Variants in GALK2 observed in about 807,000 individuals in gnomAD.
GALK2 encodes N-acetylgalactosamine kinase.
Under a neutral mutation model 52.4 loss-of-function variants are expected in GALK2, and 36 were observed. That is an observed-to-expected ratio of 0.69 (90% CI 0.53 to 0.91). The LOEUF is 0.91. GALK2 is among the 40% of genes least tolerant of loss of function. The pLI, the probability that GALK2 is intolerant of heterozygous loss-of-function variation, is 0.00. For synonymous variants in GALK2, 176 were observed against 199.1 expected, an observed-to-expected ratio of 0.88 and a Z score of 0.98; for missense variants, 579 against 559.1, an observed-to-expected ratio of 1.04 and a Z score of -0.36.
intron 5 of GALK2, 65 bp downstream of exon 5, chr15:49,239,432 A>G: frequency 6.9e-7 from 1 of 1,448,728 alleles, no homozygotes; most frequent in Non-Finnish European, 9.6e-7. Flanking sequence ...TCCAAATCTC[A>G]AATCAGAATG....
rs760805770 is a variant in GALK2, at chr15:49,183,668, A to AT, written c.53+13293_53+13294insT. 2.0e-4 allele frequency among the ~76,000 whole-genome samples: 31 copies of AT among 152,062 alleles called. 1 individual carries two copies. The East Asian group carries it at 5.8e-3, about 28-fold the overall frequency. On this transcript the variant is annotated intron_variant, in intron 1 of 9. Transcript: ENST00000560031. ...AGACCAGCCTGACCAACGTGGAGAAACCCTGACTTTACTAAAAATACAAAA... is the reference window on the plus strand; with the variant it reads ...AGACCAGCCTGACCAACGTGGAGAAATCCCTGACTTTACTAAAAATACAAAA...
chr15:49,245,491 T>C (rs1356569655), intron 5 of GALK2, among the ~76,000 whole-genome samples: 1 of 152,160 alleles, frequency 6.6e-6, no homozygotes, highest in African/African-American at 2.4e-5. Flanking sequence ...TAAGATGACC[T>C]GTATGACCAC....
Position 49,358,171 on chromosome 15 carries a change from G to C in GALK2, c.427-9320G>C, listed in dbSNP as rs542538330. On this transcript the variant is annotated intron_variant, in intron 3 of 3. Coordinates refer to the GALK2 transcript ENST00000558399. ...AAACTGGAAGCATTCCCTTTGAAAA[G>C]TGGCACAAGACAGGGATGCCCTCCT... 7.2e-3 allele frequency among the ~76,000 whole-genome samples: 1,086 copies of C among 151,494 alleles called. 20 individuals carry two copies. The highest frequency in any genetic ancestry group is 0.025 in the African/African-American group (1,042 of 41,072).
chr15:49,235,563 C>A (rs987981049), intron 3 of GALK2: 2 of 537,252 alleles, frequency 3.7e-6, no homozygotes, highest in Admixed American at 4.5e-5. Flanking sequence ...TAACAAGGAC[C>A]AACATGAAAG....
intron 3 of GALK2, among the ~76,000 whole-genome samples, chr15:49,356,240 A>G (rs2043147263): frequency 6.6e-6 from 1 of 152,150 alleles, no homozygotes; most frequent in South Asian, 2.1e-4. Flanking sequence ...ACACATAACA[A>G]TTTAAATGTA....
intron 3 of GALK2, among the ~76,000 whole-genome samples, chr15:49,346,595 G>C (rs1023442519): frequency 3.3e-5 from 5 of 152,106 alleles, no homozygotes; most frequent in Non-Finnish European, 5.9e-5. Context: ...GAACAGACCT[G>C]GACCTCGGTG....
At chr15:49,264,809 C>T (rs2092292385) in intron 5 of GALK2, among the ~76,000 whole-genome samples, 2 of 152,190 alleles carry the variant, frequency 1.3e-5, no homozygotes, top group Non-Finnish European at 1.5e-5. Context: ...CCCTCAGCTG[C>T]AGGTCTGTTG....
At chr15:49,178,167 CAAA>C (rs376324541) in intron 1 of GALK2, among the ~76,000 whole-genome samples, 2 of 66,584 alleles carry the variant, frequency 3.0e-5, no homozygotes, top group Non-Finnish European at 5.4e-5. Context: ...GACTCTGTTT[CAAA>C]AAAAAAAAAA....
At chr15:49,264,421 C>T (rs1169787194) in intron 5 of GALK2, among the ~76,000 whole-genome samples, 1 of 152,172 alleles carries the variant, frequency 6.6e-6, no homozygotes, top group African/African-American at 2.4e-5. Flanking sequence ...TCAGCTCCAT[C>T]AGCTCCTTTA....
chr15:49,199,673 G>A (rs1287265217), intron 1 of GALK2, among the ~76,000 whole-genome samples: 1 of 152,260 alleles, frequency 6.6e-6, no homozygotes, highest in East Asian at 1.9e-4. Flanking sequence ...GAATTTGAAC[G>A]AAAGGACACA....
chr15:49,160,293 T>C (rs1337555924), intron 1 of GALK2, among the ~76,000 whole-genome samples: 1 of 151,852 alleles, frequency 6.6e-6, no homozygotes, highest in Non-Finnish European at 1.5e-5. Flanking sequence ...AAAAAAAAGA[T>C]TAATAATAAT....
chr15:49,280,367 G>A (rs773368338), intron 5 of GALK2, among the ~76,000 whole-genome samples: 4 of 152,174 alleles, frequency 2.6e-5, no homozygotes, highest in Admixed American at 6.5e-5. Flanking sequence ...TTGGGAATGC[G>A]GTGGGGAGTA....
chr15:49,174,642 C>T (rs1406516876), intron 1 of GALK2, among the ~76,000 whole-genome samples: 1 of 152,098 alleles, frequency 6.6e-6, no homozygotes, highest in Non-Finnish European at 1.5e-5. Context: ...CAGCACTTGG[C>T]CTATTTCTTG....
intron 1 of GALK2, among the ~76,000 whole-genome samples, chr15:49,180,607 T>G (rs904657009): frequency 6.6e-6 from 1 of 152,230 alleles, no homozygotes; most frequent in African/African-American, 2.4e-5. Flanking sequence ...ATTGCCTGTA[T>G]GTTAAAAGCC....
In GALK2 at chr15:49,329,806, T is replaced by TA. The variant is rs558009170; in HGVS notation, c.*1664dup. The TA allele has an allele frequency of 0.073, 53,047 of 727,408 alleles. 745 individuals carry two copies. The highest frequency in any genetic ancestry group is 0.14 in the African/African-American group (6,627 of 46,572). The allele number at this position is 727,408 out of a possible 1,614,324, so 45.1% of individuals were successfully genotyped here. ...TTCTTTAAAGATACCTGGATCAGTGTAAAAAAAAAAAAAAAAAGGCACCTG... is the reference window on the plus strand; with the variant it reads ...TTCTTTAAAGATACCTGGATCAGTGTAAAAAAAAAAAAAAAAAAGGCACCTG... On this transcript the variant is annotated 3_prime_UTR_variant, in exon 10 of 10. Coordinates refer to ENST00000560031, the MANE Select transcript of GALK2 (RefSeq NM_002044.4).
chr15:49,239,318 G>A lies in GALK2; in HGVS notation c.455G>A (p.Cys152Tyr), dbSNP rs1362937404. The A allele has an allele frequency of 2.5e-6, 4 of 1,614,012 alleles. No homozygotes were observed. The highest frequency in any genetic ancestry group is 3.4e-6 in the Non-Finnish European group (4 of 1,180,002). The change falls in exon 5 of 10, where the codon TGT becomes TAT. Residue 152 changes from cysteine to tyrosine, a missense_variant. Cys to Tyr is a radical substitution (Grantham distance 194, BLOSUM62 -2). Transcript: ENST00000560031. The stretch of plus-strand genomic sequence containing the variant: ...CTCTCCAGCTCCAGTGCTTTGGTCT[G>A]TTGTGCTGGCTTGGTGACGCTCACA... The part of the protein sequence containing the change: ...SGLSSSSALV[C>Y]CAGLVTLTVL...
At chr15:49,163,479 G>A (rs1383636325) in intron 1 of GALK2, among the ~76,000 whole-genome samples, 6 of 152,016 alleles carry the variant, frequency 3.9e-5, no homozygotes, top group Admixed American at 3.3e-4. Context: ...TTAGGTCTGC[G>A]ATCCATTTCA....
chr15:49,186,236 TA>T (rs1384937242), intron 1 of GALK2, among the ~76,000 whole-genome samples: 27 of 152,312 alleles, frequency 1.8e-4, no homozygotes, highest in African/African-American at 6.5e-4. Context: ...TTCAGGCCAA[TA>T]AATCTTAGAC....
chr15:49,270,991 C>T (rs1402516065), intron 5 of GALK2, among the ~76,000 whole-genome samples: 1 of 152,160 alleles, frequency 6.6e-6, no homozygotes, highest in African/African-American at 2.4e-5. Context: ...AGGAACCCTT[C>T]CTCCAGGGAA....
Sources: gnomAD v4.1 joint callset for allele counts (sites outside exome capture counted in the v4.1 genomes callset) on GRCh38, gnomAD v4.1.1 for gene constraint, MANE v1.5 for transcripts, NCBI Gene and HGNC (gene_info 2026-07-23, HGNC 2026-07-21) for gene names.